Variants in TULP4 observed in about 807,000 individuals in gnomAD.
The protein encoded by TULP4 is tubby-related protein 4.
TULP4 carries 16 observed loss-of-function variants against 129.0 expected under a neutral mutation model. The ratio of observed to expected loss-of-function variants is 0.12; its 90% CI spans 0.08 to 0.19. The LOEUF is 0.19. Ranked by LOEUF, TULP4 falls within the 10% of genes least tolerant of loss-of-function variation. The pLI, the probability that TULP4 is intolerant of heterozygous loss-of-function variation, is 1.00. For synonymous variants in TULP4, 998 were observed against 854.0 expected, an observed-to-expected ratio of 1.17 and a Z score of -2.94; for missense variants, 1,842 against 2,059.1, an observed-to-expected ratio of 0.89 and a Z score of 2.04.
At chr6:158,427,188 C>T (rs1363115914) in intron 2 of TULP4, among the ~76,000 whole-genome samples, 1 of 152,108 alleles carries the variant, frequency 6.6e-6, no homozygotes, top group Non-Finnish European at 1.5e-5. Flanking sequence ...AGATGACACT[C>T]AACATCTTTA....
chr6:158,287,540 G>A (rs1269747510), intron 1 of TULP4, among the ~76,000 whole-genome samples: 2 of 152,112 alleles, frequency 1.3e-5, no homozygotes, highest in South Asian at 2.1e-4. Flanking sequence ...TCCCAAGTTA[G>A]CACGGATGAT....
chr6:158,274,144 G>C (rs1229604657), intron 1 of TULP4, among the ~76,000 whole-genome samples: 1 of 152,132 alleles, frequency 6.6e-6, no homozygotes. Context: ...TGCAGTCCCG[G>C]CTACTTGGGA....
At chr6:158,319,533 G>A (rs1779576091) in intron 1 of TULP4, among the ~76,000 whole-genome samples, 1 of 152,074 alleles carries the variant, frequency 6.6e-6, no homozygotes, top group African/African-American at 2.4e-5. Context: ...TCTGGCCACG[G>A]AACTAACTAA....
chr6:158,495,396 A>G (rs1043265364), intron 11 of TULP4, among the ~76,000 whole-genome samples: 32 of 152,204 alleles, frequency 2.1e-4, no homozygotes, highest in African/African-American at 6.3e-4. Context: ...TGACTCATAA[A>G]AACAATAGAA....
chr6:158,297,490 AAGAC>A (rs1779055078), intron 1 of TULP4, among the ~76,000 whole-genome samples: 5 of 152,328 alleles, frequency 3.3e-5, no homozygotes, highest in African/African-American at 9.6e-5. Context: ...AGATTAAAGT[AAGAC>A]AGGCATAAGA....
intron 1 of TULP4, among the ~76,000 whole-genome samples, chr6:158,336,937 C>T (rs1258565921): frequency 1.3e-5 from 2 of 151,866 alleles, no homozygotes; most frequent in African/African-American, 4.8e-5. Flanking sequence ...GAATAGAATC[C>T]AAGTCTCACT....
At chr6:158,408,789 G>A (rs1387272154) in intron 1 of TULP4, among the ~76,000 whole-genome samples, 2 of 152,206 alleles carry the variant, frequency 1.3e-5, no homozygotes, top group Non-Finnish European at 2.9e-5. Flanking sequence ...CCTTTTCAGG[G>A]TGCTTTTGGT....
chr6:158,431,026 G>A (rs1428691571), intron 3 of TULP4, among the ~76,000 whole-genome samples: 2 of 151,724 alleles, frequency 1.3e-5, no homozygotes, highest in Admixed American at 1.3e-4. Flanking sequence ...CTCAAAATTG[G>A]TATTATGAGA....
chr6:158,421,719 G>A (rs1778347104), intron 2 of TULP4, among the ~76,000 whole-genome samples: 1 of 152,164 alleles, frequency 6.6e-6, no homozygotes, highest in Non-Finnish European at 1.5e-5. Context: ...GAACAGCTTT[G>A]TAGGGCCATT....
chr6:158,495,439 A>G (rs569898029), intron 11 of TULP4, among the ~76,000 whole-genome samples: 36 of 152,366 alleles, frequency 2.4e-4, no homozygotes, highest in African/African-American at 8.2e-4. Context: ...CAAAATTTGT[A>G]TCACAGCTCG....
chr6:158,473,713 G>T (rs1327729897), intron 6 of TULP4, among the ~76,000 whole-genome samples: 2 of 152,044 alleles, frequency 1.3e-5, no homozygotes, highest in Admixed American at 6.6e-5. Context: ...TAGAGACAGC[G>T]TTTCACCATG....
chr6:158,346,534 G>C (rs1459822232), intron 1 of TULP4, among the ~76,000 whole-genome samples: 2 of 152,146 alleles, frequency 1.3e-5, no homozygotes, highest in Non-Finnish European at 2.9e-5. Context: ...TAGTGATCTA[G>C]AACCAAACCT....
chr6:158,495,695 C>G (rs1461168806), intron 11 of TULP4, among the ~76,000 whole-genome samples: 1 of 152,042 alleles, frequency 6.6e-6, no homozygotes, highest in African/African-American at 2.4e-5. Context: ...ACAAAATTAG[C>G]CTGGCATGGT....
At chr6:158,342,431 C>T (rs549237399) in intron 1 of TULP4, among the ~76,000 whole-genome samples, 7 of 152,216 alleles carry the variant, frequency 4.6e-5, no homozygotes, top group Non-Finnish European at 8.8e-5. Context: ...ATCTAAATGC[C>T]GAGAACTAGG....
intron 3 of TULP4, among the ~76,000 whole-genome samples, chr6:158,432,411 C>T (rs1778651274): frequency 6.6e-6 from 1 of 152,186 alleles, no homozygotes. Context: ...GAAGGTAGAG[C>T]TGCAGGAAGC....
chr6:158,406,946 C>T lies in TULP4; in HGVS notation c.253-6119C>T, dbSNP rs1461188630. Among the ~76,000 whole-genome samples, 6 of 152,186 alleles carry T rather than the reference C, an allele frequency of 3.9e-5. 1 individual carries two copies. Among genetic ancestry groups the T allele is most frequent in the Admixed American group, 2.0e-4 (3 of 15,278 alleles). On this transcript the variant is annotated intron_variant, in intron 1 of 13. Coordinates refer to ENST00000367097, the MANE Select transcript of TULP4 (RefSeq NM_020245.5). ...GGTTCAGAACTGGTTAGAGGCACGG[C>T]GGTCCCCAGATTCCAGGGCTTTGAC...
intron 9 of TULP4, 41 bp downstream of exon 9, chr6:158,489,773 CT>C: frequency 6.2e-7 from 1 of 1,611,718 alleles, no homozygotes; most frequent in Non-Finnish European, 8.5e-7. Flanking sequence ...TCTTGTGCCT[CT>C]GAATATGTGT....
rs376255175 is a variant in TULP4 at position 158,503,373 on chromosome 6, A to G, written c.3710A>G (p.Tyr1237Cys). Residue 1237 changes from tyrosine to cysteine, a missense_variant, in exon 13 of 14, where the codon TAT becomes TGT. Physicochemically the swap from Tyr to Cys is radical, Grantham distance 194. Coordinates refer to ENST00000367097, the MANE Select transcript of TULP4 (RefSeq NM_020245.5). The surrounding 1 kb of genome is among the most constrained non-coding windows in gnomAD (Gnocchi z 4.3). The part of the protein sequence containing the change: ...LQPLYPPSLS[Y>C]CTLPPMYPGS... ...CCGCTGTACCCACCCAGCCTCTCCT[A>G]TTGCACCCTGCCCCCCATGTACCCA... 11 of 1,613,506 alleles carry G rather than the reference A, an allele frequency of 6.8e-6. No homozygotes were observed. Among genetic ancestry groups the G allele is most frequent in the African/African-American group, 6.7e-5 (5 of 74,802 alleles).
At chr6:158,396,826 G>T (rs1777728896) in intron 1 of TULP4, among the ~76,000 whole-genome samples, 1 of 152,144 alleles carries the variant, frequency 6.6e-6, no homozygotes. Context: ...CTAAAGAAAT[G>T]TATGTACTTT....
Sources: allele counts gnomAD v4.1 joint callset (sites outside exome capture counted in the v4.1 genomes callset), GRCh38; gene constraint gnomAD v4.1.1; non-coding constraint Gnocchi (gnomAD v3.1); transcripts MANE v1.5; gene names NCBI Gene and HGNC (gene_info 2026-07-23, HGNC 2026-07-21).